TEKT4: variants seen among roughly 807,000 people sequenced by gnomAD.
The protein encoded by TEKT4 is tektin 4.
A neutral mutation model predicts 46.0 loss-of-function variants in TEKT4; 46 were observed. That is an observed-to-expected ratio of 1.00 (90% CI 0.79 to 1.28). TEKT4 has a LOEUF of 1.28. Among genes scored for constraint, TEKT4 ranks in the 50% most tolerant of loss-of-function variants. The pLI is 0.00. For missense variants in TEKT4, 790 were observed against 622.9 expected, an observed-to-expected ratio of 1.27 and a Z score of -2.85; for synonymous variants, 325 against 265.8, an observed-to-expected ratio of 1.22 and a Z score of -2.17.
intron 3 of TEKT4, 138 bp downstream of exon 3, chr2:94,874,246 CT>C: frequency 1.1e-6 from 1 of 914,736 alleles, no homozygotes; most frequent in Non-Finnish European, 1.6e-6. Context: ...CTGTCTGCCC[CT>C]GGCATGAGCA....
At chr2:94,873,626 C>G in intron 2 of TEKT4, 36 bp downstream of exon 2, 3 of 1,612,454 alleles carry the variant, frequency 1.9e-6, no homozygotes, top group Non-Finnish European at 1.7e-6. Context: ...GATTCCTGAC[C>G]CTACCCACAG....
chr2:94,873,763 C>T (rs1680690277), intron 2 of TEKT4, among the ~76,000 whole-genome samples, 173 bp downstream of exon 2: 1 of 152,142 alleles, frequency 6.6e-6, no homozygotes, highest in South Asian at 2.1e-4. Context: ...GTTGAGTGGC[C>T]AGAGCCCAGT....
At chr2:94,872,130 C>T (rs1402505469) in intron 1 of TEKT4, 53 bp downstream of exon 1, 1 of 1,474,240 alleles carries the variant, frequency 6.8e-7, no homozygotes, top group Non-Finnish European at 9.0e-7. Context: ...GGAGGAGCCC[C>T]CCCCCCCGCA....
chr2:94,876,502 G>A (rs1558609958), intron 5 of TEKT4, 51 bp from the exon 6 acceptor site: 14 of 1,519,108 alleles, frequency 9.2e-6, no homozygotes, highest in Non-Finnish European at 1.2e-5. Flanking sequence ...CCCGGTAGGT[G>A]CATACTTCTG....
In TEKT4 at chr2:94,874,787, C is replaced by CG; in HGVS notation, c.727dup (p.Glu243GlyfsTer55). On this transcript the variant is annotated frameshift_variant, in exon 4 of 6. Transcript: ENST00000295201. LOFTEE classifies it high-confidence loss of function. ...CCCCCGCCCCGCAGCGCCTCCACCC[C>CG]GGAGACCCGGGCCAAGTTCACGCAG... 1 of 1,582,690 alleles carries CG rather than the reference C, an allele frequency of 6.3e-7. No individual in the cohort carries two copies. The highest frequency in any genetic ancestry group is 2.3e-5 in the East Asian group (1 of 43,530).
chr2:94,872,384 C>A (rs1203176870), intron 1 of TEKT4: 30 of 491,386 alleles, frequency 6.1e-5, no homozygotes, highest in African/African-American at 5.4e-4. Context: ...GACCCTCCCT[C>A]GCTGGGACAG....
intron 1 of TEKT4, chr2:94,872,836 C>T: frequency 1.2e-5 from 15 of 1,289,446 alleles, no homozygotes; most frequent in Non-Finnish European, 1.5e-5. Context: ...CCTGCACTCT[C>T]TCAGTGCCTC....
rs111366793 is a variant in TEKT4 at position 94,871,776 on chromosome 2, G to A, written c.197G>A (p.Arg66Gln). 15 of 1,612,098 alleles carry A rather than the reference G, an allele frequency of 9.3e-6. No homozygotes were observed. Among genetic ancestry groups the A allele is most frequent in the East Asian group, 4.5e-5 (2 of 44,874 alleles). Reference protein sequence around the residue: ...FADRDQSERQRHESQQLATET... With the variant: ...FADRDQSERQQHESQQLATET... Reference sequence around the variant, plus strand: ...GACCGCGACCAGTCGGAGCGGCAGCGGCACGAGAGCCAGCAGCTGGCCACA... The same window carrying A: ...GACCGCGACCAGTCGGAGCGGCAGCAGCACGAGAGCCAGCAGCTGGCCACA... Residue 66 changes from arginine (R) to glutamine (Q), a missense_variant, in exon 1 of 6, where the codon CGG becomes CAG. Coordinates refer to ENST00000295201, the MANE Select transcript of TEKT4 (RefSeq NM_144705.4).
At chr2:94,875,388 G>A (rs113593674) in intron 4 of TEKT4, among the ~76,000 whole-genome samples, 200 bp from the exon 5 acceptor site, 1 of 152,188 alleles carries the variant, frequency 6.6e-6, no homozygotes, top group Non-Finnish European at 1.5e-5. Context: ...CACAGCTAAG[G>A]GACAACAGGC....
intron 1 of TEKT4, chr2:94,872,474 G>A (rs1680621851): frequency 3.0e-6 from 1 of 333,880 alleles, no homozygotes; most frequent in Admixed American, 4.3e-5. Context: ...GGGAGCCACT[G>A]CTCCCATTCA....
At chr2:94,876,149 A>G (rs1186231424) in intron 5 of TEKT4, among the ~76,000 whole-genome samples, 1 of 152,234 alleles carries the variant, frequency 6.6e-6, no homozygotes, top group East Asian at 1.9e-4. Flanking sequence ...CGCTACAGGC[A>G]TAGATGTGCC....
At chr2:94,875,444 C>T (rs1458985428) in intron 4 of TEKT4, 144 bp from the exon 5 acceptor site, 2 of 1,264,788 alleles carry the variant, frequency 1.6e-6, no homozygotes, top group African/African-American at 1.5e-5. Flanking sequence ...CACATTGTTC[C>T]CCTCATCCAC....
At chr2:94,875,233 A>T (rs1680790232) in intron 4 of TEKT4, among the ~76,000 whole-genome samples, 1 of 152,072 alleles carries the variant, frequency 6.6e-6, no homozygotes, top group African/African-American at 2.4e-5. Context: ...GGGAACACTG[A>T]CCGCCCGGGA....
chr2:94,874,726 C>A (rs1553395766), intron 3 of TEKT4, 50 bp from the exon 4 acceptor site: 1 of 1,477,952 alleles, frequency 6.8e-7, no homozygotes, highest in Non-Finnish European at 9.0e-7. Flanking sequence ...GGGCTCCCAG[C>A]CTTCGGCAGA....
chr2:94,872,127 C>CA, intron 1 of TEKT4, 50 bp downstream of exon 1: 2 of 468,906 alleles, frequency 4.3e-6, no homozygotes, highest in Non-Finnish European at 5.7e-6. Context: ...AGAGGAGGAG[C>CA]CCCCCCCCCC....
intron 5 of TEKT4, 37 bp downstream of exon 5, chr2:94,875,779 C>G (rs782181681): frequency 6.3e-7 from 1 of 1,596,472 alleles, no homozygotes. Context: ...CCAGGTGGCC[C>G]TGTCCACCTC....
chr2:94,872,133 C>CT (rs1428453362), intron 1 of TEKT4, 56 bp downstream of exon 1: 656 of 1,476,142 alleles, frequency 4.4e-4, no homozygotes, highest in Non-Finnish European at 5.7e-4. Context: ...GGAGCCCCCC[C>CT]CCCCGCAGTT....
rs530508335 is a variant in TEKT4 at position 94,873,248 on chromosome 2, G to A, written c.499-272G>A. On this transcript the variant is annotated intron_variant, in intron 1 of 5. Coordinates refer to ENST00000295201, the MANE Select transcript of TEKT4 (RefSeq NM_144705.4). ...TGAGTGAGCAGCAGCGATGACTCCT[G>A]AAGCCTGGGGCGTGGGAACTGCCGC... 5.2e-5 allele frequency: 69 copies of A among 1,326,322 alleles called. No homozygotes were observed. In the African/African-American group the frequency reaches 9.7e-4, roughly 19 times the overall value. 82.2% of individuals were successfully genotyped at this position (1,326,322 alleles called of 1,614,324 possible).
Position 94,873,354 on chromosome 2 carries a change from G to A in TEKT4, c.499-166G>A, listed in dbSNP as rs372237582. ...AACGCACCAAGGAGAATGCCCAAAA[G>A]CCCAAGATAAACCCAGTGAGAGAGC... On this transcript the variant is annotated intron_variant, in intron 1 of 5. Transcript: ENST00000295201. 1.2e-4 allele frequency: 169 copies of A among 1,463,586 alleles called. No individual in the cohort carries two copies. The East Asian group carries it at 2.3e-3, about 20-fold the overall frequency. The allele number at this position is 1,463,586 out of a possible 1,614,324, so 90.7% of individuals were successfully genotyped here.
Sources: gnomAD v4.1 joint callset for allele counts (sites outside exome capture counted in the v4.1 genomes callset) on GRCh38, gnomAD v4.1.1 for gene constraint, MANE v1.5 for transcripts, NCBI Gene and HGNC (gene_info 2026-07-23, HGNC 2026-07-21) for gene names.